The following ELP4 variants were observed in gnomAD, a reference collection of about 807,000 sequenced individuals.
The protein encoded by ELP4 is elongator acetyltransferase complex subunit 4, also known as elongator complex protein 4.
A neutral mutation model predicts 48.9 loss-of-function variants in ELP4; 51 were observed. That is an observed-to-expected ratio of 1.04 (90% CI 0.83 to 1.32). The LOEUF (loss-of-function observed/expected upper bound fraction) is 1.32, where lower values mean the gene tolerates loss of function less well. Among genes scored for constraint, ELP4 ranks in the 40% most tolerant of loss-of-function variants. The pLI, the probability that ELP4 is intolerant of heterozygous loss-of-function variation, is 0.00. For synonymous variants in ELP4, 210 were observed against 189.2 expected (o/e 1.11, Z -0.90); for missense variants, 519 against 514.6 (o/e 1.01, Z -0.08).
At chr11:31,662,396 A>G (rs886146281) in intron 9 of ELP4, 9 of 393,028 alleles carry the variant, frequency 2.3e-5, no homozygotes, top group African/African-American at 6.2e-5. Context: ...CCCTGTTGCA[A>G]TAGAACATGT....
chr11:31,610,357 T>TA (rs1957955477), intron 5 of ELP4, among the ~76,000 whole-genome samples: 1 of 152,174 alleles, frequency 6.6e-6, no homozygotes, highest in Non-Finnish European at 1.5e-5. Context: ...TTTTTTAACT[T>TA]ACTTTATTTT....
intron 9 of ELP4, among the ~76,000 whole-genome samples, chr11:31,741,946 C>A (rs1031011383): frequency 4.6e-5 from 7 of 152,058 alleles, no homozygotes; most frequent in Admixed American, 1.3e-4. Context: ...TCAAACTACT[C>A]CGAGCTACAG....
chr11:31,556,736 A>G (rs1161022755), intron 3 of ELP4, among the ~76,000 whole-genome samples: 1 of 151,906 alleles, frequency 6.6e-6, no homozygotes, highest in Non-Finnish European at 1.5e-5. Context: ...TTAACTTTCG[A>G]ATTATCTGTT....
intron 5 of ELP4, among the ~76,000 whole-genome samples, chr11:31,611,871 G>A (rs973758517): frequency 1.3e-5 from 2 of 152,174 alleles, no homozygotes; most frequent in African/African-American, 4.8e-5. Context: ...GGCAGAGAGG[G>A]CAGTGGGTAT....
At chr11:31,637,822 G>T (rs1490633929) in intron 7 of ELP4, among the ~76,000 whole-genome samples, 1 of 151,910 alleles carries the variant, frequency 6.6e-6, no homozygotes, top group Non-Finnish European at 1.5e-5. Context: ...CCCAGTAACA[G>T]TTGTGTGCTT....
intron 5 of ELP4, among the ~76,000 whole-genome samples, chr11:31,623,887 A>G (rs1286426901): frequency 6.6e-6 from 1 of 151,758 alleles, no homozygotes; most frequent in Non-Finnish European, 1.5e-5. Context: ...AACTCAATTA[A>G]AAAATTGGAT....
At chr11:31,684,856 T>G (rs377369228) in intron 9 of ELP4, among the ~76,000 whole-genome samples, 1 of 152,194 alleles carries the variant, frequency 6.6e-6, no homozygotes, top group African/African-American at 2.4e-5. Flanking sequence ...AAAGAAACAC[T>G]GAACACTGTC....
chr11:31,611,214 T>C (rs1341960787), intron 5 of ELP4, among the ~76,000 whole-genome samples: 1 of 152,212 alleles, frequency 6.6e-6, no homozygotes, highest in African/African-American at 2.4e-5. Context: ...TTTCTGTATC[T>C]GTGCTGTGTA....
chr11:31,627,934 G>A (rs1944781524), intron 6 of ELP4, among the ~76,000 whole-genome samples: 2 of 152,030 alleles, frequency 1.3e-5, no homozygotes, highest in Admixed American at 6.6e-5. Context: ...GGCACTATCA[G>A]CTACATTTGT....
At chr11:31,616,321 C>G (rs1237077265) in intron 5 of ELP4, among the ~76,000 whole-genome samples, 1 of 151,974 alleles carries the variant, frequency 6.6e-6, no homozygotes, top group Non-Finnish European at 1.5e-5. Flanking sequence ...GTACCAAGGT[C>G]ACTCACAAGG....
intron 9 of ELP4, among the ~76,000 whole-genome samples, chr11:31,742,402 A>C (rs980069861): frequency 1.1e-4 from 17 of 152,324 alleles, no homozygotes; most frequent in African/African-American, 3.1e-4. Flanking sequence ...AGAAAGCCAC[A>C]AAGATACTCC....
At chr11:31,572,423 G>A (rs1026011309) in intron 3 of ELP4, among the ~76,000 whole-genome samples, 1 of 152,174 alleles carries the variant, frequency 6.6e-6, no homozygotes, top group South Asian at 2.1e-4. Flanking sequence ...TCTAGACGAG[G>A]AAAGTAAAAT....
intron 5 of ELP4, among the ~76,000 whole-genome samples, chr11:31,617,889 T>C (rs1174371213): frequency 3.3e-5 from 5 of 151,994 alleles, no homozygotes; most frequent in Non-Finnish European, 7.4e-5. Flanking sequence ...AAAATAGTAG[T>C]CTTTTGGACT....
chr11:31,703,168 T>C (rs1946562672), intron 9 of ELP4, among the ~76,000 whole-genome samples: 1 of 152,184 alleles, frequency 6.6e-6, no homozygotes, highest in South Asian at 2.1e-4. Flanking sequence ...ACTACGTGTT[T>C]GGTCTCCTAG....
chr11:31,554,792 A>G (rs1230852394), intron 3 of ELP4, among the ~76,000 whole-genome samples: 1 of 152,158 alleles, frequency 6.6e-6, no homozygotes, highest in Admixed American at 6.6e-5. Context: ...GAACTAAGGA[A>G]TGTGTTCTAG....
chr11:31,735,159 CAA>C (rs397776294), intron 9 of ELP4, among the ~76,000 whole-genome samples: 5 of 114,788 alleles, frequency 4.4e-5, no homozygotes, highest in East Asian at 2.5e-4. Flanking sequence ...TATCCATTGG[CAA>C]AAAAAAAAAA....
At chr11:31,754,272 A>G (rs1458795061) in intron 9 of ELP4, among the ~76,000 whole-genome samples, 2 of 152,122 alleles carry the variant, frequency 1.3e-5, no homozygotes, top group Non-Finnish European at 2.9e-5. Context: ...TCCCCCGCTC[A>G]GAACACGCCA....
chr11:31,577,175 G>C (rs1248106272), intron 3 of ELP4, among the ~76,000 whole-genome samples: 1 of 152,086 alleles, frequency 6.6e-6, no homozygotes, highest in Non-Finnish European at 1.5e-5. Context: ...AAATAAACTA[G>C]AAAATCTAGA....
intron 1 of ELP4, among the ~76,000 whole-genome samples, chr11:31,516,546 A>G (rs1005766509): frequency 2.0e-5 from 3 of 152,182 alleles, no homozygotes; most frequent in African/African-American, 7.2e-5. Flanking sequence ...CCCTGGCTGG[A>G]GTGCAGTGGT....
Sources: allele counts gnomAD v4.1 joint callset (sites outside exome capture counted in the v4.1 genomes callset), GRCh38; gene constraint gnomAD v4.1.1; transcripts MANE v1.5; gene names NCBI Gene and HGNC (gene_info 2026-07-23, HGNC 2026-07-21).